The following ATG7 variants were observed in gnomAD, a reference collection of about 807,000 sequenced individuals.
ATG7 encodes ubiquitin-like modifier-activating enzyme ATG7.
Under a neutral mutation model 82.4 loss-of-function variants are expected in ATG7, and 70 were observed. The ratio of observed to expected loss-of-function variants is 0.85; its 90% CI spans 0.70 to 1.04. The LOEUF is 1.04. Among genes scored for constraint, ATG7 ranks in the 50% least tolerant of loss-of-function variants. ATG7 has a pLI of 0.00. For synonymous variants in ATG7, 287 were observed against 313.0 expected (o/e 0.92, Z 0.88); for missense variants, 792 against 864.3 (o/e 0.92, Z 1.05).
At chr3:11,475,330 A>G (rs972179537) in intron 20 of ATG7, among the ~76,000 whole-genome samples, 7 of 152,134 alleles carry the variant, frequency 4.6e-5, no homozygotes, top group Non-Finnish European at 8.8e-5. Context: ...TATTAATGTC[A>G]CTTCTTATAA....
chr3:11,402,079 G>A (rs774916123), intron 19 of ATG7, among the ~76,000 whole-genome samples: 7 of 152,114 alleles, frequency 4.6e-5, no homozygotes, highest in African/African-American at 1.4e-4. Context: ...CAGGGTGGTC[G>A]CAGGAGAATA....
chr3:11,556,551 G>GTTCTC lies in ATG7; in HGVS notation c.*1709_*1713dup. ...TCGTGGCTATGAATGCAGATGCAGTGTTCTCATAGAATAACTGTTCCTGCA... is the reference window on the plus strand; with the variant it reads ...TCGTGGCTATGAATGCAGATGCAGTGTTCTCTTCTCATAGAATAACTGTTCCTGCA... On this transcript the variant is annotated 3_prime_UTR_variant, in exon 21 of 21. Transcript: ENST00000693202. 1 of 152,536 alleles carries GTTCTC rather than the reference G, an allele frequency of 6.6e-6. No homozygotes were observed. Among genetic ancestry groups the GTTCTC allele is most frequent in the South Asian group, 2.1e-4 (1 of 4,814 alleles). 9.4% of individuals were successfully genotyped at this position (152,536 alleles called of 1,614,324 possible). A position where few individuals can be genotyped will look rare whatever the true frequency, so the allele number is the denominator to read the frequency against.
At chr3:11,559,444 G>A (rs374816301), downstream of ATG7, 50 of 1,565,268 alleles carry the variant, frequency 3.2e-5, no homozygotes, top group South Asian at 1.1e-4. Context: ...AGGTGATCAC[G>A]GAGGGCCGGT....
intron 20 of ATG7, among the ~76,000 whole-genome samples, chr3:11,451,798 A>AC (rs1235119842): frequency 1.7e-5 from 2 of 120,888 alleles, no homozygotes; most frequent in Non-Finnish European, 3.4e-5. Context: ...AAAAAAAAAA[A>AC]ACAAATTAAA....
chr3:11,361,174 T>C (rs2076257310), intron 16 of ATG7, among the ~76,000 whole-genome samples: 1 of 152,182 alleles, frequency 6.6e-6, no homozygotes, highest in South Asian at 2.1e-4. Context: ...CTAAAAAGTC[T>C]CTTAGGTTCC....
intron 20 of ATG7, among the ~76,000 whole-genome samples, chr3:11,491,172 T>A (rs1216385923): frequency 6.6e-6 from 1 of 152,188 alleles, no homozygotes; most frequent in African/African-American, 2.4e-5. Flanking sequence ...TGTTCGTTTC[T>A]TTTTATTCTT....
intron 20 of ATG7, chr3:11,488,430 G>C (rs899800144): frequency 2.4e-6 from 3 of 1,240,368 alleles, no homozygotes; most frequent in Non-Finnish European, 2.1e-6. Flanking sequence ...CCGGCGGTCG[G>C]GCAGCGGCGG....
At chr3:11,428,793 T>C (rs6801721) in intron 20 of ATG7, among the ~76,000 whole-genome samples, 132,852 of 151,894 alleles carry the variant, frequency 0.87, 58,469 homozygotes, top group East Asian at 1. Context: ...AAGTAACTTA[T>C]GTATTGTTAG....
intron 20 of ATG7, among the ~76,000 whole-genome samples, chr3:11,514,007 C>T (rs772706706): frequency 4.6e-4 from 70 of 152,214 alleles, no homozygotes; most frequent in Admixed American, 1.2e-3. Context: ...AGAAGAACTA[C>T]AGCTACTCAT....
At chr3:11,419,767 A>C (rs770738537) in intron 19 of ATG7, among the ~76,000 whole-genome samples, 5 of 152,222 alleles carry the variant, frequency 3.3e-5, no homozygotes, top group Non-Finnish European at 7.3e-5. Flanking sequence ...TGTCTTAGCA[A>C]GGCAATACTC....
chr3:11,306,817 T>C (rs1305700494), intron 5 of ATG7, 126 bp from the exon 6 acceptor site: 8 of 718,734 alleles, frequency 1.1e-5, no homozygotes, highest in Admixed American at 2.4e-5. Flanking sequence ...CAAGAAAACA[T>C]ACAGTTAATC....
At chr3:11,305,086 T>G (rs922932633) in intron 5 of ATG7, among the ~76,000 whole-genome samples, 1 of 152,220 alleles carries the variant, frequency 6.6e-6, no homozygotes, top group African/African-American at 2.4e-5. Flanking sequence ...GCATATTTCA[T>G]GTAAGTGGAA....
At chr3:11,344,423 G>A (rs1211796136) in intron 13 of ATG7, among the ~76,000 whole-genome samples, 4 of 152,136 alleles carry the variant, frequency 2.6e-5, no homozygotes, top group Non-Finnish European at 5.9e-5. Flanking sequence ...GTTTCTGCAC[G>A]TTTATATCAG....
intron 20 of ATG7, among the ~76,000 whole-genome samples, chr3:11,531,577 A>G (rs1408720682): frequency 6.6e-6 from 1 of 152,200 alleles, no homozygotes; most frequent in Non-Finnish European, 1.5e-5. Context: ...ACAACATACC[A>G]TAAAAATGGT....
At chr3:11,438,758 T>C (rs1342804047) in intron 20 of ATG7, among the ~76,000 whole-genome samples, 1 of 152,064 alleles carries the variant, frequency 6.6e-6, no homozygotes, top group East Asian at 1.9e-4. Flanking sequence ...AGATCTAATA[T>C]GTGAGAGAGA....
intron 20 of ATG7, among the ~76,000 whole-genome samples, chr3:11,541,401 A>G (rs1253420845): frequency 6.6e-6 from 1 of 151,854 alleles, no homozygotes; most frequent in Non-Finnish European, 1.5e-5. Flanking sequence ...GTCTGTTTCT[A>G]CCTCTGTATT....
At chr3:11,564,573 CGGGCAGGTCT>C in the ATG7 span, among the ~76,000 whole-genome samples, 4 of 151,842 alleles carry the variant, frequency 2.6e-5, no homozygotes, top group Non-Finnish European at 5.9e-5. Flanking sequence ...AGGCAAGGCC[CGGGCAGGTCT>C]GGGCAGGAAG....
chr3:11,307,551 C>A (rs1947954916), intron 6 of ATG7, among the ~76,000 whole-genome samples: 1 of 152,220 alleles, frequency 6.6e-6, no homozygotes, highest in South Asian at 2.1e-4. Flanking sequence ...TTCCTCTTTT[C>A]CTTTCTGACC....
chr3:11,414,522 C>T (rs965290132), intron 19 of ATG7, among the ~76,000 whole-genome samples: 2 of 152,210 alleles, frequency 1.3e-5, no homozygotes, highest in African/African-American at 4.8e-5. Context: ...CCTTCCCAAT[C>T]AGAATACCCT....
Sources: allele counts gnomAD v4.1 joint callset (sites outside exome capture counted in the v4.1 genomes callset), GRCh38; gene constraint gnomAD v4.1.1; transcripts MANE v1.5; gene names NCBI Gene and HGNC (gene_info 2026-07-23, HGNC 2026-07-21).